Variants in ANKRD44 observed in about 807,000 individuals in gnomAD.
ANKRD44 encodes serine/threonine-protein phosphatase 6 regulatory ankyrin repeat subunit B.
In ANKRD44, 35 loss-of-function variants were observed where a neutral mutation model predicts 116.0. That is an observed-to-expected ratio of 0.30 (90% CI 0.23 to 0.40). ANKRD44 has a LOEUF of 0.40. Among genes scored for constraint, ANKRD44 ranks in the 10% least tolerant of loss-of-function variants. ANKRD44 has a pLI of 1.00. For synonymous variants in ANKRD44, 435 were observed against 461.8 expected, an observed-to-expected ratio of 0.94 and a Z score of 0.74; for missense variants, 1,014 against 1,242.6, an observed-to-expected ratio of 0.82 and a Z score of 2.77.
chr2:197,204,587 C>T (rs990478906), intron 1 of ANKRD44, among the ~76,000 whole-genome samples: 1 of 152,124 alleles, frequency 6.6e-6, no homozygotes, highest in South Asian at 2.1e-4. Flanking sequence ...AAAATTGTGG[C>T]TCCAGATCTT....
Position 197,094,145 on chromosome 2 carries a change from G to A in ANKRD44, c.1101-4113C>T, listed in dbSNP as rs1283121513. Among the ~76,000 whole-genome samples, 3 of 152,160 alleles carry A rather than the reference G, an allele frequency of 2.0e-5. No homozygotes were observed. In the South Asian group the frequency reaches 6.2e-4, roughly 32 times the overall value. ...TTTCCCCTTGGCATCAGAGAGATGT[G>A]GCTGCCCTCCCTACATCCAGTCTTT... On this transcript the variant is annotated intron_variant, in intron 10 of 27. Transcript: ENST00000282272.
chr2:197,046,074 C>A (rs1288144068), intron 16 of ANKRD44, among the ~76,000 whole-genome samples: 2 of 152,126 alleles, frequency 1.3e-5, no homozygotes, highest in Non-Finnish European at 2.9e-5. Context: ...GAATATTTTT[C>A]CCATCTACTA....
At chr2:197,261,556 TTAA>T (rs2082605716) in intron 1 of ANKRD44, among the ~76,000 whole-genome samples, 1 of 49,508 alleles carries the variant, frequency 2.0e-5, no homozygotes, top group Admixed American at 2.1e-4. Flanking sequence ...CAATCTTTTC[TTAA>T]AAAAAAAAAA....
intron 21 of ANKRD44, among the ~76,000 whole-genome samples, chr2:196,972,894 T>G (rs2125859509): frequency 6.6e-6 from 1 of 152,358 alleles, no homozygotes; most frequent in Middle Eastern, 3.4e-3. Flanking sequence ...ATTTTATCAT[T>G]CACATTTAGC....
Position 197,088,750 on chromosome 2 carries a change from T to G in ANKRD44, c.1208A>C (p.Lys403Thr). 1 of 1,612,432 alleles carries G rather than the reference T, an allele frequency of 6.2e-7. No individual in the cohort carries two copies. The highest frequency in any genetic ancestry group is 8.5e-7 in the Non-Finnish European group (1 of 1,179,098). Residue 403 changes from lysine to threonine, a missense_variant, in exon 12 of 28, where the codon AAA (lysine) becomes ACA (threonine). Transcript: ENST00000282272. ...AGCATGAAGGCACGTTCTTCCAAAT[T>G]TATCTGGGGTGTCTATTTCAAAGCC... Reference protein sequence around the residue: ...SSGFEIDTPDKFGRTCLHAAA... With the variant: ...SSGFEIDTPDTFGRTCLHAAA...
chr2:197,246,610 C>T (rs562470613), intron 1 of ANKRD44, among the ~76,000 whole-genome samples: 3 of 151,968 alleles, frequency 2.0e-5, no homozygotes, highest in Admixed American at 1.3e-4. Context: ...CTTCCCAACC[C>T]CCTATGCAAT....
At chr2:197,288,982 G>T (rs1333070140) in intron 1 of ANKRD44, among the ~76,000 whole-genome samples, 1 of 152,164 alleles carries the variant, frequency 6.6e-6, no homozygotes, top group Non-Finnish European at 1.5e-5. Context: ...TAAATTGTAA[G>T]TCTGGTAGCA....
rs377553115 is a variant in ANKRD44 at position 197,045,020 on chromosome 2, C to T, written c.1651-19753G>A. ...ATTAACGGTGGATTTTATTAAAATG[C>T]CAAAGAATTATCAAAGGTTCTGGTG... is the stretch of plus-strand genomic sequence containing the variant. On this transcript the variant is annotated intron_variant, in intron 16 of 27. Coordinates refer to ENST00000282272, the MANE Select transcript of ANKRD44 (RefSeq NM_001195144.2). 4.2e-4 allele frequency among the ~76,000 whole-genome samples: 64 copies of T among 151,684 alleles called. No homozygotes were observed. In the East Asian group the frequency reaches 0.011, roughly 27 times the overall value.
intron 21 of ANKRD44, among the ~76,000 whole-genome samples, chr2:196,975,362 C>T (rs2075748977): frequency 6.6e-6 from 1 of 152,212 alleles, no homozygotes; most frequent in African/African-American, 2.4e-5. Context: ...GATGACTTCA[C>T]TGGTAAATTC....
intron 1 of ANKRD44, among the ~76,000 whole-genome samples, chr2:197,305,334 C>T (rs1302882512): frequency 6.6e-6 from 1 of 152,146 alleles, no homozygotes; most frequent in Non-Finnish European, 1.5e-5. Flanking sequence ...ATATATTGAG[C>T]TTCAATATGA....
intron 16 of ANKRD44, chr2:197,029,708 T>C: frequency 3.8e-6 from 1 of 263,082 alleles, no homozygotes; most frequent in Non-Finnish European, 7.4e-6. Context: ...TGGTTTCTCA[T>C]TTTGTCCTTG....
intron 1 of ANKRD44, among the ~76,000 whole-genome samples, chr2:197,308,324 T>C (rs1196081622): frequency 1.3e-5 from 2 of 152,130 alleles, no homozygotes; most frequent in African/African-American, 4.8e-5. Context: ...CTTCTAGTAG[T>C]GGTCTAAGCA....
At chr2:197,276,910 G>C (rs2083103358) in intron 1 of ANKRD44, among the ~76,000 whole-genome samples, 1 of 150,726 alleles carries the variant, frequency 6.6e-6, no homozygotes, top group Admixed American at 6.7e-5. Context: ...ATGCTCTCTG[G>C]GGCTAGAACC....
At chr2:197,173,795 A>G (rs2080296839) in intron 2 of ANKRD44, among the ~76,000 whole-genome samples, 1 of 152,124 alleles carries the variant, frequency 6.6e-6, no homozygotes. Flanking sequence ...CACTTTGGGA[A>G]GCCGAGGTGG....
intron 1 of ANKRD44, among the ~76,000 whole-genome samples, chr2:197,292,619 C>CAAAAAATG (rs2083605615): frequency 6.6e-6 from 1 of 152,032 alleles, no homozygotes; most frequent in Non-Finnish European, 1.5e-5. Context: ...GTCAACCCCC[C>CAAAAAATG]AAAAAATGTG....
rs540800015 is a variant in ANKRD44, at chr2:197,121,368, T to A, written c.870A>T (p.Glu290Asp). Reference sequence around the variant, plus strand: ...CATCTGCCCCGTTGTTTACTAACAATTCAAGACACAAAGCACCATGAGTGG... The same window carrying A: ...CATCTGCCCCGTTGTTTACTAACAAATCAAGACACAAAGCACCATGAGTGG... ...AASTHGALCL[E>D]LLVNNGADVN... Residue 290 changes from glutamate to aspartate, a missense_variant, in exon 8 of 28, where the codon GAA (glutamate) becomes GAT (aspartate). Physicochemically the swap from Glu to Asp is conservative, Grantham distance 45. Coordinates refer to ENST00000282272, the MANE Select transcript of ANKRD44 (RefSeq NM_001195144.2). 2.1e-5 allele frequency: 34 copies of A among 1,614,192 alleles called. No individual in the cohort carries two copies. The African/African-American group carries it at 3.3e-4, about 16-fold the overall frequency.
At chr2:196,992,433 G>T (rs945916495) in intron 27 of ANKRD44, among the ~76,000 whole-genome samples, 1 of 152,148 alleles carries the variant, frequency 6.6e-6, no homozygotes, top group Non-Finnish European at 1.5e-5. Context: ...ATGCAGGTGC[G>T]CACCAACCCA....
intron 1 of ANKRD44, among the ~76,000 whole-genome samples, chr2:197,223,985 T>C (rs2081643735): frequency 6.6e-6 from 1 of 152,098 alleles, no homozygotes; most frequent in South Asian, 2.1e-4. Flanking sequence ...AGTAGATACA[T>C]GTCCGTATGT....
At chr2:197,127,341 TA>T (rs1288184269) in intron 4 of ANKRD44, among the ~76,000 whole-genome samples, 2 of 152,212 alleles carry the variant, frequency 1.3e-5, no homozygotes, top group African/African-American at 2.4e-5. Context: ...AATAGAAATT[TA>T]ATATAATATT....
Sources: gnomAD v4.1 joint callset for allele counts (sites outside exome capture counted in the v4.1 genomes callset) on GRCh38, gnomAD v4.1.1 for gene constraint, MANE v1.5 for transcripts, NCBI Gene and HGNC (gene_info 2026-07-23, HGNC 2026-07-21) for gene names.